The following MAP3K6 variants were observed in gnomAD, a reference collection of about 807,000 sequenced individuals.
The protein encoded by MAP3K6 is apoptosis signal-regulating kinase 2.
Under a neutral mutation model 147.1 loss-of-function variants are expected in MAP3K6, and 105 were observed. That is an observed-to-expected ratio of 0.71 (90% CI 0.61 to 0.84). MAP3K6 has a LOEUF of 0.84. Among genes scored for constraint, MAP3K6 ranks in the 40% least tolerant of loss-of-function variants. The probability of loss-of-function intolerance (pLI) is 0.00; values close to 1 mark genes in which losing one functional copy is unlikely to be tolerated. For synonymous variants in MAP3K6, 695 were observed against 732.4 expected, an observed-to-expected ratio of 0.95 and a Z score of 0.82; for missense variants, 1,569 against 1,715.0, an observed-to-expected ratio of 0.91 and a Z score of 1.50.
Position 27,363,543 on chromosome 1 carries a change from G to A in MAP3K6, c.870C>T (p.Tyr290=). The stretch of plus-strand genomic sequence containing the variant: ...TCTCCACCAGCTCAATGATGGCCGA[G>A]TAGTCCTGCATCAGGGAACGGCAAG... ...LLLSYRDVQD[Y]SAIIELVETL... The change falls in exon 6 of 29, where the codon TAC becomes TAT. Residue 290 remains tyrosine (Y), a synonymous_variant. Transcript: ENST00000357582. 2 of 1,609,874 alleles carry A rather than the reference G, an allele frequency of 1.2e-6. No individual in the cohort carries two copies. Among genetic ancestry groups the A allele is most frequent in the Non-Finnish European group, 1.7e-6 (2 of 1,177,816 alleles).
chr1:27,359,366 A>T lies in MAP3K6; in HGVS notation c.2425+51T>A. The T allele has an allele frequency of 6.2e-7, 1 of 1,613,058 alleles. No individual in the cohort carries two copies. Among genetic ancestry groups the T allele is most frequent in the Non-Finnish European group, 8.5e-7 (1 of 1,179,344 alleles). ...CCCCTTCCCTGGAAAGTTCCAAGAG[A>T]TCTTCTGCCCCAGGTCAGCATCCCC... On this transcript the variant is annotated intron_variant, in intron 18 of 28. Coordinates refer to ENST00000357582, the MANE Select transcript of MAP3K6 (RefSeq NM_004672.5). This position sits in a 1 kb window ranked among gnomAD's most constrained non-coding sequence, Gnocchi z 4.4.
At position 27,360,782 on chromosome 1, in the gene MAP3K6, A is replaced by C. The variant is rs1454711371; in HGVS notation, c.1977T>G (p.Tyr659Ter). The change falls in exon 15 of 29, where the codon TAT becomes TAG. Residue 659 changes from tyrosine (Y) to a stop codon, truncating the protein, a stop_gained. Coordinates refer to ENST00000357582, the MANE Select transcript of MAP3K6 (RefSeq NM_004672.5). LOFTEE classifies it high-confidence loss of function. This position sits in a 1 kb window ranked among gnomAD's most constrained non-coding sequence, Gnocchi z 4.5. ...GERLVLGKGT[Y>*]GVVYAGRDRH... ...GATCGCGGCCCGCGTACACCACCCC[A>C]TACGTGCCCTTGCCCAGCACCAGCC... 6.2e-7 allele frequency: 1 copy of C among 1,612,404 alleles called. No homozygotes were observed. Among genetic ancestry groups the C allele is most frequent in the Non-Finnish European group, 8.5e-7 (1 of 1,179,834 alleles).
rs752192244 is a variant in MAP3K6 at position 27,363,500 on chromosome 1, T to G, written c.913A>C (p.Thr305Pro). The G allele has an allele frequency of 1.2e-6, 2 of 1,613,750 alleles. No individual in the cohort carries two copies. Among genetic ancestry groups the G allele is most frequent in the Non-Finnish European group, 1.7e-6 (2 of 1,179,856 alleles). Residue 305 changes from threonine to proline, a missense_variant, in exon 6 of 29, where the codon ACC (threonine) becomes CCC (proline). Physicochemically the swap from Thr to Pro is conservative, Grantham distance 38 (BLOSUM62 -1). Transcript: ENST00000357582. ...TTATGCTGCTCGGCCACATCACAGG[T>G]GGGCAAGGCCTGCAGCGTCTCCACC... ...ELVETLQALP[T>P]CDVAEQHNVC...
Position 27,360,593 on chromosome 1 carries a change from G to A in MAP3K6, c.2054+112C>T. The A allele has an allele frequency of 1.4e-6, 2 of 1,460,406 alleles. No individual in the cohort carries two copies. Among genetic ancestry groups the A allele is most frequent in the Non-Finnish European group, 1.8e-6 (2 of 1,102,036 alleles). 90.5% of individuals were successfully genotyped at this position (1,460,406 alleles called of 1,614,324 possible). On this transcript the variant is annotated intron_variant, in intron 15 of 28. Coordinates refer to ENST00000357582, the MANE Select transcript of MAP3K6 (RefSeq NM_004672.5). This position sits in a 1 kb window ranked among gnomAD's most constrained non-coding sequence, Gnocchi z 4.5. ...CCAGTCCACAGGGCTCGAACTCTCA[G>A]GTCCTACGAGCCCGCCCACTAGGCC...
chr1:27,359,746 AC>A lies in MAP3K6; in HGVS notation c.2319+111del. 1 of 1,505,514 alleles carries A rather than the reference AC, an allele frequency of 6.6e-7. No individual in the cohort carries two copies. Among genetic ancestry groups the A allele is most frequent in the Non-Finnish European group, 9.1e-7 (1 of 1,104,920 alleles). The allele number at this position is 1,505,514 out of a possible 1,614,324, so 93.3% of individuals were successfully genotyped here. A position where few individuals can be genotyped will look rare whatever the true frequency, so the allele number is the denominator to read the frequency against. On this transcript the variant is annotated intron_variant, in intron 17 of 28. Transcript: ENST00000357582. The surrounding 1 kb of genome is among the most constrained non-coding windows in gnomAD (Gnocchi z 4.4). Reference sequence around the variant, plus strand: ...AAGGAGCCTCCCTGATGAATTCCCTACCCTTTGCAACAGGTCTGCTCACTTA... The same window carrying A: ...AAGGAGCCTCCCTGATGAATTCCCTACCTTTGCAACAGGTCTGCTCACTTA...
In MAP3K6 at chr1:27,362,873, G is replaced by T; in HGVS notation, c.1120C>A (p.His374Asn). 6.2e-7 allele frequency: 1 copy of T among 1,614,058 alleles called. No individual in the cohort carries two copies. Among genetic ancestry groups the T allele is most frequent in the Non-Finnish European group, 8.5e-7 (1 of 1,180,004 alleles). Residue 374 changes from histidine (H) to asparagine (N), a missense_variant, in exon 7 of 29, where the codon CAC becomes AAC. His to Asn is a moderately conservative substitution (Grantham distance 68). Coordinates refer to ENST00000357582, the MANE Select transcript of MAP3K6 (RefSeq NM_004672.5). ...FFSSGFQDAG[H>N]REQAYHWYRK... Reference sequence around the variant, plus strand: ...TACCAGTGATAGGCCTGCTCCCGGTGCCCAGCATCCTGGAAACCCGAGCTG... The same window carrying T: ...TACCAGTGATAGGCCTGCTCCCGGTTCCCAGCATCCTGGAAACCCGAGCTG...
In MAP3K6 at chr1:27,359,730, C is replaced by T; in HGVS notation, c.2319+128G>A. ...TTTCCCCTCCTTCTCTAAGGAGCCT[C>T]CCTGATGAATTCCCTACCCTTTGCA... On this transcript the variant is annotated intron_variant, in intron 17 of 28. Coordinates refer to ENST00000357582, the MANE Select transcript of MAP3K6 (RefSeq NM_004672.5). This position sits in a 1 kb window ranked among gnomAD's most constrained non-coding sequence, Gnocchi z 4.4. The T allele has an allele frequency of 6.9e-7, 1 of 1,441,628 alleles. No individual in the cohort carries two copies. Among genetic ancestry groups the T allele is most frequent in the Non-Finnish European group, 9.5e-7 (1 of 1,057,346 alleles). The allele number at this position is 1,441,628 out of a possible 1,614,324, so 89.3% of individuals were successfully genotyped here.
chr1:27,355,896 G>A (rs981810995), intron 27 of MAP3K6, 130 bp downstream of exon 27: 31 of 1,125,032 alleles, frequency 2.8e-5, no homozygotes, highest in African/African-American at 4.6e-5. Context: ...ACAATGGGAC[G>A]AGAATACTAA....
In MAP3K6 at chr1:27,360,899, G is replaced by A; in HGVS notation, c.1920+22C>T. 1 of 1,608,248 alleles carries A rather than the reference G, an allele frequency of 6.2e-7. No homozygotes were observed. The highest frequency in any genetic ancestry group is 1.1e-5 in the South Asian group (1 of 90,762). ...GCCCGCGGCCCCTCGCCCTCCGCGA[G>A]CTCCCAGTCCCGCGTCCTCACCTCC... On this transcript the variant is annotated intron_variant, in intron 14 of 28. Transcript: ENST00000357582. The surrounding 1 kb of genome is among the most constrained non-coding windows in gnomAD (Gnocchi z 4.5).
In MAP3K6 at chr1:27,364,405, G is replaced by A. The variant is rs938653176; in HGVS notation, c.505-11C>T. ...GCTGCCAACGCAATCCTGGTGGGAG[G>A]GAGGCAGGAATCAGTGAGGTCAGAG... On this transcript the variant is annotated splice_polypyrimidine_tract_variant and intron_variant, in intron 3 of 28. Transcript: ENST00000357582. This position sits in a 1 kb window ranked among gnomAD's most constrained non-coding sequence, Gnocchi z 4.4. 1 of 1,613,460 alleles carries A rather than the reference G, an allele frequency of 6.2e-7. No homozygotes were observed. Among genetic ancestry groups the A allele is most frequent in the Non-Finnish European group, 8.5e-7 (1 of 1,179,636 alleles).
intron 23 of MAP3K6, 51 bp from the exon 24 acceptor site, chr1:27,357,165 A>G: frequency 6.5e-7 from 1 of 1,527,324 alleles, no homozygotes; most frequent in Non-Finnish European, 9.1e-7. Context: ...AACTAGAGGC[A>G]GGGCTTGAGT....
In MAP3K6 at chr1:27,362,146, G is replaced by T. The variant is rs753492622; in HGVS notation, c.1360C>A (p.Pro454Thr). 6.2e-7 allele frequency: 1 copy of T among 1,613,728 alleles called. No individual in the cohort carries two copies. The highest frequency in any genetic ancestry group is 8.5e-7 in the Non-Finnish European group (1 of 1,179,988). ...YLGAQILAND[P>T]TQVVLAAEQL... Reference sequence around the variant, plus strand: ...TCTGCAGCCAGCACCACCTGGGTGGGGTCATTGGCGAGGATCTGGGCTCCC... The same window carrying T: ...TCTGCAGCCAGCACCACCTGGGTGGTGTCATTGGCGAGGATCTGGGCTCCC... Residue 454 changes from proline (P) to threonine (T), a missense_variant, in exon 9 of 29, where the codon CCC becomes ACC. Transcript: ENST00000357582.
chr1:27,361,314 T>A (rs2015761235), intron 12 of MAP3K6, 32 bp downstream of exon 12: 2 of 1,613,822 alleles, frequency 1.2e-6, no homozygotes, highest in East Asian at 4.5e-5. Flanking sequence ...TCACCTCCCG[T>A]CTTTCCAGTC....
In MAP3K6 at chr1:27,364,234, C is replaced by G. The variant is rs759996968; in HGVS notation, c.665G>C (p.Arg222Pro). 1 of 1,612,414 alleles carries G rather than the reference C, an allele frequency of 6.2e-7. No homozygotes were observed. Among genetic ancestry groups the G allele is most frequent in the Non-Finnish European group, 8.5e-7 (1 of 1,179,902 alleles). ...GTCTGTGGGTGTGGCCTCCAGCAGGCGGGCAAGCCGGCCCACCAGGGGAGT... is the reference window on the plus strand; with the variant it reads ...GTCTGTGGGTGTGGCCTCCAGCAGGGGGGCAAGCCGGCCCACCAGGGGAGT... ...LLTPLVGRLA[R>P]LLEATPTDSC... Residue 222 changes from arginine to proline, a missense_variant, in exon 4 of 29, where the codon CGC (arginine) becomes CCC (proline). Transcript: ENST00000357582. This position sits in a 1 kb window ranked among gnomAD's most constrained non-coding sequence, Gnocchi z 4.4.
chr1:27,360,054 T>C lies in MAP3K6; in HGVS notation c.2183-60A>G. The stretch of plus-strand genomic sequence containing the variant: ...CCACTGGCTCCAGCCCACATCTCTC[T>C]GCTCAAGGCCCAGACACACCCATGT... On this transcript the variant is annotated intron_variant, in intron 16 of 28. Transcript: ENST00000357582. This position sits in a 1 kb window ranked among gnomAD's most constrained non-coding sequence, Gnocchi z 4.5. The C allele has an allele frequency of 6.2e-7, 1 of 1,608,308 alleles. No homozygotes were observed.
chr1:27,355,752 G>A lies in MAP3K6; in HGVS notation c.3712-7C>T. 1 of 1,613,398 alleles carries A rather than the reference G, an allele frequency of 6.2e-7. No homozygotes were observed. Among genetic ancestry groups the A allele is most frequent in the Middle Eastern group, 1.7e-4 (1 of 5,982 alleles). On this transcript the variant is annotated splice_region_variant and splice_polypyrimidine_tract_variant and intron_variant, in intron 27 of 28. Coordinates refer to ENST00000357582, the MANE Select transcript of MAP3K6 (RefSeq NM_004672.5). ...TGAAGCTATGGTTCAACAGCTGGATGTGGTCAAAGACCCGCAGAAAGAGGG... is the reference window on the plus strand; with the variant it reads ...TGAAGCTATGGTTCAACAGCTGGATATGGTCAAAGACCCGCAGAAAGAGGG...
In MAP3K6 at chr1:27,366,028, C is replaced by T. The variant is rs2015966983; in HGVS notation, c.340+230G>A. 6.6e-6 allele frequency among the ~76,000 whole-genome samples: 1 copy of T among 151,944 alleles called. No individual in the cohort carries two copies. Among genetic ancestry groups the T allele is most frequent in the Admixed American group, 6.6e-5 (1 of 15,260 alleles). On this transcript the variant is annotated intron_variant, in intron 1 of 28. Coordinates refer to ENST00000357582, the MANE Select transcript of MAP3K6 (RefSeq NM_004672.5). The surrounding 1 kb of genome is among the most constrained non-coding windows in gnomAD (Gnocchi z 5.5). The stretch of plus-strand genomic sequence containing the variant: ...GGGTGCCTAAGCCCCAACCTCGAGC[C>T]CTAGAGCCGCGCCCGGATCCCTGTC...
Position 27,366,148 on chromosome 1 carries a change from C to A in MAP3K6, c.340+110G>T. On this transcript the variant is annotated intron_variant, in intron 1 of 28. Transcript: ENST00000357582. The surrounding 1 kb of genome is among the most constrained non-coding windows in gnomAD (Gnocchi z 5.5). Reference sequence around the variant, plus strand: ...TCAGCTTTAGCTCACTTTAAGTCCCCTAGACCCGGTACCCCTCTCGGCCCC... The same window carrying A: ...TCAGCTTTAGCTCACTTTAAGTCCCATAGACCCGGTACCCCTCTCGGCCCC... 3.5e-6 allele frequency: 4 copies of A among 1,148,650 alleles called. No homozygotes were observed. Among genetic ancestry groups the A allele is most frequent in the Non-Finnish European group, 4.4e-6 (4 of 909,734 alleles). 71.2% of individuals were successfully genotyped at this position (1,148,650 alleles called of 1,614,324 possible). A position where few individuals can be genotyped will look rare whatever the true frequency, so the allele number is the denominator to read the frequency against.
chr1:27,357,009 C>G lies in MAP3K6; in HGVS notation c.3364G>C (p.Glu1122Gln). 1 of 1,613,628 alleles carries G rather than the reference C, an allele frequency of 6.2e-7. No homozygotes were observed. The highest frequency in any genetic ancestry group is 8.5e-7 in the Non-Finnish European group (1 of 1,179,782). Residue 1122 changes from glutamate to glutamine, a missense_variant and splice_region_variant, in exon 24 of 29, where the codon GAG becomes CAG. Glu to Gln is a conservative substitution (Grantham distance 29, BLOSUM62 2). Coordinates refer to ENST00000357582, the MANE Select transcript of MAP3K6 (RefSeq NM_004672.5). ...VRAALGVLGP[E>Q]VEKEAVSPRS... is the part of the protein sequence containing the mutation. ...GAGGCCCGTGGCATTCCCCTCCTACCCGGTCCTAGCACACCCAGGGCTGCC... is the reference window on the plus strand; with the variant it reads ...GAGGCCCGTGGCATTCCCCTCCTACGCGGTCCTAGCACACCCAGGGCTGCC...
Sources: gnomAD v4.1 joint callset for allele counts (sites outside exome capture counted in the v4.1 genomes callset) on GRCh38, gnomAD v4.1.1 for gene constraint, Gnocchi (gnomAD v3.1) non-coding constraint, MANE v1.5 for transcripts, NCBI Gene and HGNC (gene_info 2026-07-23, HGNC 2026-07-21) for gene names.